The following ACSM3 variants were observed in gnomAD, a reference collection of about 807,000 sequenced individuals.
ACSM3 encodes the protein acyl-CoA synthetase medium chain family member 3.
A neutral mutation model predicts 74.1 loss-of-function variants in ACSM3; 61 were observed. The ratio of observed to expected loss-of-function variants is 0.82; its 90% CI spans 0.67 to 1.02. The LOEUF (loss-of-function observed/expected upper bound fraction) is 1.02. ACSM3 is among the 50% of genes least tolerant of loss of function. The pLI, the probability that ACSM3 is intolerant of heterozygous loss-of-function variation, is 0.00. For missense variants in ACSM3, 660 were observed against 697.0 expected (o/e 0.95, Z 0.60); for synonymous variants, 213 against 241.5 (o/e 0.88, Z 1.09).
rs897350593 is a variant in ACSM3 at position 20,797,262 on chromosome 16, C to T, written c.*290C>T. The T allele has an allele frequency of 1.9e-5, 21 of 1,079,352 alleles. No homozygotes were observed. In the African/African-American group the frequency reaches 2.9e-4, roughly 15 times the overall value. The allele number at this position is 1,079,352 out of a possible 1,614,324, so 66.9% of individuals were successfully genotyped here. On this transcript the variant is annotated 3_prime_UTR_variant, in exon 14 of 14. Transcript: ENST00000289416. Reference sequence around the variant, plus strand: ...TAGAAGCAGTTTCTGAACCAGATCTCTGCTACATAGGTTTTCAAACTTTAG... The same window carrying T: ...TAGAAGCAGTTTCTGAACCAGATCTTTGCTACATAGGTTTTCAAACTTTAG...
In ACSM3 at chr16:20,785,048, G is replaced by A. The variant is rs1465534976; in HGVS notation, c.1084G>A (p.Glu362Lys). The A allele has an allele frequency of 6.2e-7, 1 of 1,613,540 alleles. No individual in the cohort carries two copies. The highest frequency in any genetic ancestry group is 1.7e-5 in the Admixed American group (1 of 59,980). ...AGEPITPDVTEKWRNKTGLDI... is the reference protein window; with the variant it reads ...AGEPITPDVTKKWRNKTGLDI... ...GGAACCAATTACCCCTGACGTGACTGAAAAATGGAGAAACAAGACGGGCCT... is the reference window on the plus strand; with the variant it reads ...GGAACCAATTACCCCTGACGTGACTAAAAAATGGAGAAACAAGACGGGCCT... Residue 362 changes from glutamate to lysine, a missense_variant, in exon 8 of 14, where the codon GAA becomes AAA. By Grantham distance (56) the Glu-to-Lys change is moderately conservative. Coordinates refer to ENST00000289416, the MANE Select transcript of ACSM3 (RefSeq NM_005622.4).
At chr16:20,788,160 G>A (rs2152481063) in intron 9 of ACSM3, among the ~76,000 whole-genome samples, 1 of 151,954 alleles carries the variant, frequency 6.6e-6, no homozygotes, top group Admixed American at 6.6e-5. Flanking sequence ...AGAAAAAATG[G>A]TAGGAGAGCC....
At chr16:20,710,709 G>T (rs978852205) in intron 1 of ACSM3, among the ~76,000 whole-genome samples, 2 of 152,022 alleles carry the variant, frequency 1.3e-5, no homozygotes, top group Admixed American at 6.6e-5. Context: ...ACTCACTTTG[G>T]AGACCATTGG....
intron 1 of ACSM3, among the ~76,000 whole-genome samples, chr16:20,717,859 GAGAAGGAGA>G (rs1322331180): frequency 6.6e-6 from 1 of 150,778 alleles, no homozygotes; most frequent in Non-Finnish European, 1.5e-5. Flanking sequence ...GGAAGAGGAG[GAGAAGGAGA>G]AGAAGGAGAA....
At chr16:20,699,848 AAGAG>A (rs2152354230) in intron 1 of ACSM3, among the ~76,000 whole-genome samples, 1 of 152,282 alleles carries the variant, frequency 6.6e-6, no homozygotes, top group African/African-American at 2.4e-5. Context: ...CATCTTTAAC[AAGAG>A]GTATACAGCG....
Position 20,722,597 on chromosome 16 carries a change from T to A in ACSM3, c.-189-27313T>A, listed in dbSNP as rs186543918. ...TCAACTTACTCAAAAAACTGATATA[T>A]TTCATAGAAATAGAAGTGGAAAGGT... On this transcript the variant is annotated intron_variant, in intron 1 of 3. Coordinates refer to the ACSM3 transcript ENST00000561584. Among the ~76,000 whole-genome samples the A allele has an allele frequency of 1.1e-4, 16 of 152,328 alleles. No individual in the cohort carries two copies. The East Asian group carries it at 2.9e-3, about 28-fold the overall frequency.
chr16:20,718,425 G>T, intron 1 of ACSM3: 1 of 728,482 alleles, frequency 1.4e-6, no homozygotes. Context: ...CCAGTGGGAC[G>T]ACAGGCTCTC....
At chr16:20,731,082 T>C (rs527764105) in intron 1 of ACSM3, among the ~76,000 whole-genome samples, 1 of 152,258 alleles carries the variant, frequency 6.6e-6, no homozygotes, top group East Asian at 1.9e-4. Context: ...ACCAGGCTGG[T>C]TTCAAACTCC....
intron 1 of ACSM3, chr16:20,742,001 G>T: frequency 6.7e-7 from 1 of 1,496,414 alleles, no homozygotes; most frequent in Non-Finnish European, 8.9e-7. Flanking sequence ...CAGCCATTCT[G>T]GAAGTGGTGT....
At chr16:20,768,719 G>A (rs531228372) in intron 1 of ACSM3, among the ~76,000 whole-genome samples, 27 of 152,202 alleles carry the variant, frequency 1.8e-4, no homozygotes, top group Admixed American at 1.2e-3. Context: ...CCTGTCGAAT[G>A]ACAGTAAAAA....
chr16:20,708,576 C>T (rs2079734238), intron 1 of ACSM3, among the ~76,000 whole-genome samples: 1 of 152,042 alleles, frequency 6.6e-6, no homozygotes, highest in Non-Finnish European at 1.5e-5. Context: ...AAAATACCTG[C>T]AGACTGGAAA....
chr16:20,772,262 TTGTC>T (rs1333576336), intron 2 of ACSM3, among the ~76,000 whole-genome samples: 3 of 152,108 alleles, frequency 2.0e-5, no homozygotes, highest in African/African-American at 7.2e-5. Context: ...ATAGTCCCAT[TTGTC>T]TGTTTTTGGT....
At chr16:20,748,584 G>A (rs1386996652) in intron 1 of ACSM3, among the ~76,000 whole-genome samples, 4 of 152,194 alleles carry the variant, frequency 2.6e-5, no homozygotes, top group African/African-American at 9.7e-5. Flanking sequence ...CACTGCTGCT[G>A]TTTTGTTGTA....
At chr16:20,707,538 C>G (rs1209274738) in intron 1 of ACSM3, among the ~76,000 whole-genome samples, 2 of 152,206 alleles carry the variant, frequency 1.3e-5, no homozygotes, top group Admixed American at 6.5e-5. Context: ...GACCAAGGTC[C>G]TGGAGACAGT....
At chr16:20,713,582 G>T (rs962446988) in intron 1 of ACSM3, among the ~76,000 whole-genome samples, 2 of 152,084 alleles carry the variant, frequency 1.3e-5, no homozygotes, top group Non-Finnish European at 2.9e-5. Context: ...TTCAATTCTT[G>T]TCTCTTCTCT....
At position 20,797,044 on chromosome 16, in the gene ACSM3, T is replaced by C; in HGVS notation, c.*72T>C. 20 of 1,553,820 alleles carry C rather than the reference T, an allele frequency of 1.3e-5. No homozygotes were observed. The highest frequency in any genetic ancestry group is 1.6e-5 in the Non-Finnish European group (19 of 1,155,892). On this transcript the variant is annotated 3_prime_UTR_variant, in exon 14 of 14. Coordinates refer to ENST00000289416, the MANE Select transcript of ACSM3 (RefSeq NM_005622.4). ...TCAATCTCTAGAAACCACAAGATGA[T>C]GGAGAGGTCATAAAAACTGTGGTAG...
At chr16:20,734,447 T>C (rs1243636997) in intron 1 of ACSM3, 1 of 152,546 alleles carries the variant, frequency 6.6e-6, no homozygotes, top group Admixed American at 6.5e-5. Flanking sequence ...GCCTATTCTC[T>C]TTGCCCCTCT....
intron 10 of ACSM3, 71 bp from the exon 11 acceptor site, chr16:20,791,927 GAAAA>G (rs79083383): frequency 3.9e-6 from 5 of 1,290,080 alleles, no homozygotes; most frequent in South Asian, 1.4e-5. Flanking sequence ...GACTGTCTCG[GAAAA>G]AAAAAAAAAA....
intron 1 of ACSM3, among the ~76,000 whole-genome samples, chr16:20,742,813 AT>A (rs372677216): frequency 0.062 from 4,107 of 66,756 alleles, 94 homozygotes; most frequent in African/African-American, 0.1. Flanking sequence ...ATATATATAT[AT>A]TTTTTTTTTT....
Sources: gnomAD v4.1 joint callset for allele counts (sites outside exome capture counted in the v4.1 genomes callset) on GRCh38, gnomAD v4.1.1 for gene constraint, MANE v1.5 for transcripts, NCBI Gene and HGNC (gene_info 2026-07-23, HGNC 2026-07-21) for gene names.